The following MAPK4 variants were observed in gnomAD, a reference collection of about 807,000 sequenced individuals.
MAPK4 encodes the protein mitogen-activated protein kinase 4.
MAPK4 carries 22 observed loss-of-function variants against 47.7 expected under a neutral mutation model. That is an observed-to-expected ratio of 0.46 (90% confidence interval 0.33 to 0.66). MAPK4 has a LOEUF of 0.66. Ranked by LOEUF, MAPK4 falls within the 30% of genes least tolerant of loss-of-function variation. MAPK4 has a pLI of 0.02. For synonymous variants in MAPK4, 390 were observed against 365.7 expected (o/e 1.07, Z -0.76); for missense variants, 736 against 831.7 (o/e 0.88, Z 1.42).
chr18:50,568,920 A>G (rs1055388571), intron 1 of MAPK4, among the ~76,000 whole-genome samples: 2 of 152,208 alleles, frequency 1.3e-5, no homozygotes, highest in Non-Finnish European at 2.9e-5. Context: ...CAAATCTGCA[A>G]TGTTACTTTT....
At chr18:50,626,651 C>T (rs146441573) in intron 1 of MAPK4, among the ~76,000 whole-genome samples, 6 of 152,270 alleles carry the variant, frequency 3.9e-5, no homozygotes, top group Admixed American at 2.0e-4. Context: ...CCTTTCTTCC[C>T]GTCTCCTCCC....
At chr18:50,633,675 C>A (rs1202132457) in intron 1 of MAPK4, among the ~76,000 whole-genome samples, 1 of 152,146 alleles carries the variant, frequency 6.6e-6, no homozygotes, top group East Asian at 1.9e-4. Flanking sequence ...TTTGCACTGC[C>A]TAAGGGATAA....
At chr18:50,677,462 G>T (rs1467519664) in intron 2 of MAPK4, among the ~76,000 whole-genome samples, 1 of 152,158 alleles carries the variant, frequency 6.6e-6, no homozygotes, top group Non-Finnish European at 1.5e-5. Flanking sequence ...AAAGAAAAGG[G>T]TCAAGCACCC....
chr18:50,650,111 T>C (rs1012770404), intron 1 of MAPK4, among the ~76,000 whole-genome samples: 1 of 152,258 alleles, frequency 6.6e-6, no homozygotes, highest in African/African-American at 2.4e-5. Context: ...TTTGTCAAGC[T>C]AATGTGCTGC....
chr18:50,698,440 A>G (rs1162621996), intron 2 of MAPK4, among the ~76,000 whole-genome samples: 1 of 152,228 alleles, frequency 6.6e-6, no homozygotes, highest in Non-Finnish European at 1.5e-5. Context: ...TTAGCAAAAT[A>G]TATCATCAAA....
At chr18:50,660,322 G>A (rs1464609606) in intron 1 of MAPK4, among the ~76,000 whole-genome samples, 1 of 152,196 alleles carries the variant, frequency 6.6e-6, no homozygotes, top group Non-Finnish European at 1.5e-5. Flanking sequence ...GTTACTAAGA[G>A]GATTGAAGTT....
chr18:50,598,290 C>T (rs144346606), intron 1 of MAPK4, among the ~76,000 whole-genome samples: 270 of 152,332 alleles, frequency 1.8e-3, no homozygotes, highest in African/African-American at 6.3e-3. Context: ...GATCACATCA[C>T]TTACAACAGG....
At chr18:50,564,269 G>A (rs990082318) in intron 1 of MAPK4, among the ~76,000 whole-genome samples, 1 of 152,186 alleles carries the variant, frequency 6.6e-6, no homozygotes, top group East Asian at 1.9e-4. Context: ...ATTATTTTAA[G>A]GCAGCTATTC....
intron 3 of MAPK4, among the ~76,000 whole-genome samples, chr18:50,720,828 G>A (rs1470058211): frequency 2.0e-5 from 3 of 152,208 alleles, no homozygotes; most frequent in Admixed American, 1.3e-4. Flanking sequence ...GACCTCTTCA[G>A]GAGAGAGCCT....
At chr18:50,709,795 T>C (rs1164426641) in intron 2 of MAPK4, among the ~76,000 whole-genome samples, 1 of 152,300 alleles carries the variant, frequency 6.6e-6, no homozygotes, top group East Asian at 1.9e-4. Context: ...CTGCATCAAA[T>C]TCATGTAAAA....
chr18:50,693,096 A>G (rs1469810098), intron 2 of MAPK4, among the ~76,000 whole-genome samples: 1 of 151,838 alleles, frequency 6.6e-6, no homozygotes, highest in Admixed American at 6.6e-5. Flanking sequence ...TCTCTACTAA[A>G]GAAAATACAA....
At chr18:50,581,647 T>A (rs1450802790) in intron 1 of MAPK4, among the ~76,000 whole-genome samples, 1 of 152,222 alleles carries the variant, frequency 6.6e-6, no homozygotes, top group East Asian at 1.9e-4. Flanking sequence ...ACAAAGCAGG[T>A]GAGCAGAAGA....
chr18:50,666,198 G>T (rs958004082), intron 2 of MAPK4, among the ~76,000 whole-genome samples: 1 of 152,202 alleles, frequency 6.6e-6, no homozygotes, highest in African/African-American at 2.4e-5. Flanking sequence ...ATGGTTTATT[G>T]TGGCGTAAAC....
chr18:50,573,119 G>A (rs2042264413), intron 1 of MAPK4, among the ~76,000 whole-genome samples: 1 of 150,712 alleles, frequency 6.6e-6, no homozygotes, highest in African/African-American at 2.5e-5. Flanking sequence ...TGACGTGAGG[G>A]AAGGGATTTG....
In MAPK4 at chr18:50,678,813, G is replaced by A. The variant is rs973485513; in HGVS notation, c.546+14309G>A. Among the ~76,000 whole-genome samples, 1 of 152,134 alleles carries A rather than the reference G, an allele frequency of 6.6e-6. No homozygotes were observed. Among genetic ancestry groups the A allele is most frequent in the Non-Finnish European group, 1.5e-5 (1 of 68,034 alleles). ...TTTTCTGGGTGAAGGCAGCAGGAAA[G>A]GGGGAGCCATTCCTTGCCCTCCCTT... On this transcript the variant is annotated intron_variant, in intron 2 of 5. Transcript: ENST00000400384. This position sits in a 1 kb window ranked among gnomAD's most constrained non-coding sequence, Gnocchi z 4.2.
chr18:50,586,114 T>C (rs1330803354), intron 1 of MAPK4, among the ~76,000 whole-genome samples: 2 of 152,232 alleles, frequency 1.3e-5, no homozygotes, highest in African/African-American at 4.8e-5. Flanking sequence ...CAGGGACATC[T>C]TATATCCATT....
intron 1 of MAPK4, among the ~76,000 whole-genome samples, chr18:50,570,749 G>A (rs2042242808): frequency 6.6e-6 from 1 of 152,118 alleles, no homozygotes; most frequent in Admixed American, 6.5e-5. Context: ...GGAATCAGCA[G>A]CCACATCTAT....
intron 1 of MAPK4, among the ~76,000 whole-genome samples, chr18:50,586,769 C>A (rs1445951834): frequency 1.3e-5 from 2 of 152,162 alleles, no homozygotes; most frequent in East Asian, 1.9e-4. Flanking sequence ...TGATCCAGGG[C>A]AAGACCTCAA....
At chr18:50,600,728 C>T (rs1431503964) in intron 1 of MAPK4, among the ~76,000 whole-genome samples, 1 of 151,774 alleles carries the variant, frequency 6.6e-6, no homozygotes, top group South Asian at 2.1e-4. Flanking sequence ...TGGTGATATA[C>T]ATTTATCAAT....
Sources: gnomAD v4.1 joint callset for allele counts (sites outside exome capture counted in the v4.1 genomes callset) on GRCh38, gnomAD v4.1.1 for gene constraint, Gnocchi (gnomAD v3.1) non-coding constraint, MANE v1.5 for transcripts, NCBI Gene and HGNC (gene_info 2026-07-23, HGNC 2026-07-21) for gene names.